Variants in ARHGAP30 observed in about 807,000 individuals in gnomAD.
ARHGAP30 encodes rho GTPase-activating protein 30.
Under a neutral mutation model 72.0 loss-of-function variants are expected in ARHGAP30, and 23 were observed. The observed-to-expected ratio is 0.32, with a 90% CI of 0.23 to 0.45. The LOEUF is 0.45. ARHGAP30 is among the 20% of genes least tolerant of loss of function. The pLI is 1.00. For missense variants in ARHGAP30, 1,319 were observed against 1,383.4 expected, an observed-to-expected ratio of 0.95 and a Z score of 0.74; for synonymous variants, 576 against 528.2, an observed-to-expected ratio of 1.09 and a Z score of -1.24.
Position 161,052,767 on chromosome 1 carries a change from A to G in ARHGAP30, c.695T>C (p.Leu232Pro), listed in dbSNP as rs1651506943. The change falls in exon 7 of 12, where the codon CTT becomes CCT. Residue 232 changes from leucine (L) to proline (P), a missense_variant. Physicochemically the swap from Leu to Pro is moderately conservative, Grantham distance 98. This residue lies in a region of ARHGAP30 where 222 missense variants were observed against 338.2 expected (regional missense o/e 0.66). Coordinates refer to ENST00000368013, the MANE Select transcript of ARHGAP30 (RefSeq NM_001025598.2). ...GCTGCCTGATGCCCGGGTCCCTGGAAGCGATCGCCACCCACTCTCCACCTC... is the reference window on the plus strand; with the variant it reads ...GCTGCCTGATGCCCGGGTCCCTGGAGGCGATCGCCACCCACTCTCCACCTC... ...GGEVESGWRSLPGTRASGSPE... is the reference protein window; with the variant it reads ...GGEVESGWRSPPGTRASGSPE... 1.2e-6 allele frequency: 2 copies of G among 1,611,770 alleles called. No individual in the cohort carries two copies. Among genetic ancestry groups the G allele is most frequent in the Non-Finnish European group, 8.5e-7 (1 of 1,179,936 alleles).
rs1221592448 is a variant in ARHGAP30 at position 161,053,113 on chromosome 1, C to A, written c.664+145G>T. On this transcript the variant is annotated intron_variant, in intron 6 of 11. Coordinates refer to ENST00000368013, the MANE Select transcript of ARHGAP30 (RefSeq NM_001025598.2). ...GAAGTCTTCTCAAGTCCTGACTGCA[C>A]AATTATCTCCCCAGGGTTCTCTCCA... 1.0e-5 allele frequency: 13 copies of A among 1,256,072 alleles called. No homozygotes were observed. In the East Asian group the frequency reaches 3.1e-4, roughly 30 times the overall value. 77.8% of individuals were successfully genotyped at this position (1,256,072 alleles called of 1,614,324 possible).
Position 161,047,828 on chromosome 1 carries a change from G to A in ARHGAP30, c.3193C>T (p.Arg1065Cys), listed in dbSNP as rs538402066. ...GGTTCTCTGGGGGGCAGACTAAGAC[G>A]ACTCCGGGATCCAGACCCTTCTGCA... Reference protein sequence around the residue: ...EGAEGSGSRSRLSLPPREPQV... With the variant: ...EGAEGSGSRSCLSLPPREPQV... The change falls in exon 12 of 12, where the codon CGT (arginine) becomes TGT (cysteine). Residue 1065 changes from arginine to cysteine, a missense_variant. Transcript: ENST00000368013. 11 of 1,610,512 alleles carry A rather than the reference G, an allele frequency of 6.8e-6. No individual in the cohort carries two copies. In the East Asian group the frequency reaches 1.8e-4, roughly 26 times the overall value.
Position 161,054,675 on chromosome 1 carries a change from G to A in ARHGAP30, c.376C>T (p.Arg126Cys), listed in dbSNP as rs752547354. ...AGCACCTCTAGGATCTTGACCAAGC[G>A]CTCAGGTTCCAATTGCACTCCTACA... ...EAVGVQLEPE[R>C]LVKILEVLRE... Residue 126 changes from arginine to cysteine, a missense_variant, in exon 4 of 12, where the codon CGC becomes TGC. Physicochemically the swap from Arg to Cys is radical, Grantham distance 180. Transcript: ENST00000368013. The A allele has an allele frequency of 5.6e-6, 9 of 1,613,862 alleles. No homozygotes were observed. Among genetic ancestry groups the A allele is most frequent in the African/African-American group, 1.3e-5 (1 of 74,890 alleles).
At position 161,054,618 on chromosome 1, in the gene ARHGAP30, C is replaced by G; in HGVS notation, c.428+5G>C. The G allele has an allele frequency of 6.2e-7, 1 of 1,614,016 alleles. No individual in the cohort carries two copies. The highest frequency in any genetic ancestry group is 8.5e-7 in the Non-Finnish European group (1 of 1,179,974). On this transcript the variant is annotated splice_donor_5th_base_variant and intron_variant, in intron 4 of 11. Transcript: ENST00000368013. ...GTTGCTGGGCAGATATGGAGTGTCACATACCTGTAGTTTGGGACAGGGAGT... is the reference window on the plus strand; with the variant it reads ...GTTGCTGGGCAGATATGGAGTGTCAGATACCTGTAGTTTGGGACAGGGAGT...
chr1:161,048,285 G>A lies in ARHGAP30; in HGVS notation c.2736C>T (p.Pro912=), dbSNP rs775449947. 1.2e-6 allele frequency: 2 copies of A among 1,614,160 alleles called. No homozygotes were observed. Among genetic ancestry groups the A allele is most frequent in the Non-Finnish European group, 1.7e-6 (2 of 1,180,004 alleles). ...CCACGCCACCCAGGCCAAGAGAACA[G>A]GGGCATAGACAGCCGTCTGGACTGG... The part of the protein sequence containing the change: ...GQPSPDGCLC[P]CSLGLGGVGM... The change falls in exon 12 of 12, where the codon CCC becomes CCT. Residue 912 remains proline (P), a synonymous_variant. Coordinates refer to ENST00000368013, the MANE Select transcript of ARHGAP30 (RefSeq NM_001025598.2).
intron 6 of ARHGAP30, 134 bp from the exon 7 acceptor site, chr1:161,052,931 T>A: frequency 8.8e-7 from 1 of 1,132,790 alleles, no homozygotes. Context: ...AGTGCCTCCA[T>A]GTCCATCACC....
Position 161,052,703 on chromosome 1 carries a change from C to A in ARHGAP30, c.759G>T (p.Leu253=). ...DLMPRPLPYH[L]PSILQAGDGP... The stretch of plus-strand genomic sequence containing the variant: ...CATCGCCAGCCTGCAGTATGCTAGG[C>A]AGGTGATAAGGCAGTGGCCTGGGCA... Residue 253 remains leucine (L), a synonymous_variant, in exon 7 of 12, where the codon CTG becomes CTT. Transcript: ENST00000368013. 6.2e-7 allele frequency: 1 copy of A among 1,613,276 alleles called. No individual in the cohort carries two copies. The highest frequency in any genetic ancestry group is 8.5e-7 in the Non-Finnish European group (1 of 1,179,978).
At position 161,056,497 on chromosome 1, in the gene ARHGAP30, C is replaced by T. The variant is rs954913816; in HGVS notation, c.236G>A (p.Arg79His). The T allele has an allele frequency of 1.8e-5, 29 of 1,613,938 alleles. No homozygotes were observed. The highest frequency in any genetic ancestry group is 8.9e-5 in the East Asian group (4 of 44,880). ...EFESERKPDL[R>H]RDVYLQDIHC... ...AATGTCTTGGAGGTAAACATCCCGA[C>T]GCAGGTCTGGCTTCCGCTCTGACTC... Residue 79 changes from arginine (R) to histidine (H), a missense_variant, in exon 3 of 12, where the codon CGT (arginine) becomes CAT (histidine). By Grantham distance (29) the Arg-to-His change is conservative (BLOSUM62 0). Coordinates refer to ENST00000368013, the MANE Select transcript of ARHGAP30 (RefSeq NM_001025598.2).
At chr1:161,055,916 AAAATAAAATAAAATAAAAT>A (rs1557926923) in intron 3 of ARHGAP30, among the ~76,000 whole-genome samples, 2 of 13,604 alleles carry the variant, frequency 1.5e-4, no homozygotes, top group Non-Finnish European at 3.0e-4. Flanking sequence ...AAAATAAAAT[AAAATAAAATAAAATAAAAT>A]AAATATAAAA....
In ARHGAP30 at chr1:161,052,516, C is replaced by G. The variant is rs764068900; in HGVS notation, c.864G>C (p.Lys288Asn). The change falls in exon 8 of 12, where the codon AAG becomes AAC. Residue 288 changes from lysine (K) to asparagine (N), a missense_variant. By Grantham distance (94) the Lys-to-Asn change is moderately conservative. Coordinates refer to ENST00000368013, the MANE Select transcript of ARHGAP30 (RefSeq NM_001025598.2). ...GACCTAAATTGAAGATAGACCTCCA[C>G]TTCCTGACCTTCAAAGACCCCTTCC... ...HKRKGSLKVR[K>N]WRSIFNLGRS... 1 of 1,613,986 alleles carries G rather than the reference C, an allele frequency of 6.2e-7. No individual in the cohort carries two copies.
chr1:161,064,881 G>A (rs1240658751), intron 1 of ARHGAP30, among the ~76,000 whole-genome samples: 2 of 146,660 alleles, frequency 1.4e-5, no homozygotes, highest in Non-Finnish European at 3.0e-5. Context: ...AGGAAGGAGA[G>A]AAAAGAGAGA....
At chr1:161,052,984 A>C (rs994177609) in intron 6 of ARHGAP30, 187 bp from the exon 7 acceptor site, 40 of 921,274 alleles carry the variant, frequency 4.3e-5, no homozygotes, top group Non-Finnish European at 6.2e-5. Context: ...GGGAGATCCG[A>C]GAACGTTGGC....
At position 161,051,531 on chromosome 1, in the gene ARHGAP30, G is replaced by A. The variant is rs1003190147; in HGVS notation, c.1203C>T (p.Ser401=). 3.7e-6 allele frequency: 6 copies of A among 1,614,228 alleles called. No individual in the cohort carries two copies. Among genetic ancestry groups the A allele is most frequent in the African/African-American group, 1.3e-5 (1 of 75,080 alleles). ...CACCAGCACAGCGTTCTGCACGGCTGCTGCCCCCAGCCCGGATGGCTGACC... is the reference window on the plus strand; with the variant it reads ...CACCAGCACAGCGTTCTGCACGGCTACTGCCCCCAGCCCGGATGGCTGACC... ...AGRSAIRAGG[S]SRAERCAGVH... The change falls in exon 10 of 12, where the codon AGC becomes AGT. Residue 401 remains serine (S), a synonymous_variant. Coordinates refer to ENST00000368013, the MANE Select transcript of ARHGAP30 (RefSeq NM_001025598.2).
chr1:161,064,823 GAAAGAAAGAGAAAGAA>G (rs1309262431), intron 1 of ARHGAP30, among the ~76,000 whole-genome samples: 16 of 63,914 alleles, frequency 2.5e-4, no homozygotes, highest in Non-Finnish European at 1.1e-4. Context: ...AAGAAAGAAA[GAAAGAAAGAGAAAGAA>G]AGAAAGAAAG....
Position 161,069,221 on chromosome 1 carries a change from C to T in ARHGAP30, c.97+307G>A, listed in dbSNP as rs753105841. On this transcript the variant is annotated intron_variant, in intron 1 of 11. Coordinates refer to ENST00000368013, the MANE Select transcript of ARHGAP30 (RefSeq NM_001025598.2). This position sits in a 1 kb window ranked among gnomAD's most constrained non-coding sequence, Gnocchi z 4.9. ...CCTCTCCTGTTCCCAGTCACCTGCCCGCTGTTTCATCCACTCCTCCTCGGT... is the reference window on the plus strand; with the variant it reads ...CCTCTCCTGTTCCCAGTCACCTGCCTGCTGTTTCATCCACTCCTCCTCGGT... Among the ~76,000 whole-genome samples, 1 of 152,110 alleles carries T rather than the reference C, an allele frequency of 6.6e-6. No individual in the cohort carries two copies. The highest frequency in any genetic ancestry group is 2.4e-5 in the African/African-American group (1 of 41,410).
In ARHGAP30 at chr1:161,047,552, C is replaced by T; in HGVS notation, c.*163G>A. Reference sequence around the variant, plus strand: ...GTGTCGGAGACAAGTTCAGGTAAACCAACCAAGGCAGTGCCTCCCACAGTC... The same window carrying T: ...GTGTCGGAGACAAGTTCAGGTAAACTAACCAAGGCAGTGCCTCCCACAGTC... On this transcript the variant is annotated 3_prime_UTR_variant, in exon 12 of 12. Transcript: ENST00000368013. 4 of 635,422 alleles carry T rather than the reference C, an allele frequency of 6.3e-6. No individual in the cohort carries two copies. Among genetic ancestry groups the T allele is most frequent in the Non-Finnish European group, 9.5e-6 (4 of 421,978 alleles). 39.4% of individuals were successfully genotyped at this position (635,422 alleles called of 1,614,324 possible). A position where few individuals can be genotyped will look rare whatever the true frequency, so the allele number is the denominator to read the frequency against.
Position 161,069,509 on chromosome 1 carries a change from G to A in ARHGAP30, c.97+19C>T, listed in dbSNP as rs370264045. ...GTGCCTCCCCACCCACCCTGCAGAA[G>A]CTGAGCCGGCCTCCTTACCCTCCTG... On this transcript the variant is annotated intron_variant, in intron 1 of 11. Coordinates refer to ENST00000368013, the MANE Select transcript of ARHGAP30 (RefSeq NM_001025598.2). This position sits in a 1 kb window ranked among gnomAD's most constrained non-coding sequence, Gnocchi z 4.9. 30 of 1,600,442 alleles carry A rather than the reference G, an allele frequency of 1.9e-5. No individual in the cohort carries two copies. In the Admixed American group the frequency reaches 4.3e-4, roughly 23 times the overall value.
At position 161,051,710 on chromosome 1, in the gene ARHGAP30, C is replaced by G. The variant is rs1651388764; in HGVS notation, c.1024G>C (p.Glu342Gln). The change falls in exon 10 of 12, where the codon GAG (glutamate) becomes CAG (glutamine). Residue 342 changes from glutamate (E) to glutamine (Q), a missense_variant. Glu to Gln is a conservative substitution (Grantham distance 29, BLOSUM62 2). Coordinates refer to ENST00000368013, the MANE Select transcript of ARHGAP30 (RefSeq NM_001025598.2). ...SAAAGASDEP[E>Q]GLVGPSSPRP... ...GGGCTGCTGGGCCCCACCAGCCCCT[C>G]TGGCTCTGTGGAGGAAAAAGAGGGC... The G allele has an allele frequency of 6.2e-7, 1 of 1,606,354 alleles. No individual in the cohort carries two copies. The highest frequency in any genetic ancestry group is 1.7e-5 in the Admixed American group (1 of 59,158).
Position 161,048,402 on chromosome 1 carries a change from G to C in ARHGAP30, c.2619C>G (p.Asp873Glu), listed in dbSNP as rs767853682. The C allele has an allele frequency of 1.5e-4, 240 of 1,614,014 alleles. No homozygotes were observed. Among genetic ancestry groups the C allele is most frequent in the Non-Finnish European group, 2.0e-4 (236 of 1,180,040 alleles). The change falls in exon 12 of 12, where the codon GAC becomes GAG. Residue 873 changes from aspartate to glutamate, a missense_variant. Around this residue, in one of 2 missense-constraint regions of ARHGAP30, gnomAD observed 1,097 missense variants for 1,045.2 expected, o/e 1.05. Coordinates refer to ENST00000368013, the MANE Select transcript of ARHGAP30 (RefSeq NM_001025598.2). ...AGTGAGGATTGCCCTCTTTGGCACA[G>C]TCAACCTCCAGGGACGCTACACCTG... ...EGSGVASLEV[D>E]CAKEGNPHSS...
Sources: gnomAD v4.1 joint callset for allele counts (sites outside exome capture counted in the v4.1 genomes callset) on GRCh38, gnomAD v4.1.1 for gene constraint, gnomAD v4.1.1 regional missense constraint, Gnocchi (gnomAD v3.1) non-coding constraint, MANE v1.5 for transcripts, NCBI Gene and HGNC (gene_info 2026-07-23, HGNC 2026-07-21) for gene names.